Variants in HCRTR2 observed in about 807,000 individuals in gnomAD.
HCRTR2 encodes the protein hypocretin receptor 2, also known as orexin receptor type 2.
A neutral mutation model predicts 49.0 loss-of-function variants in HCRTR2; 22 were observed. That is an observed-to-expected ratio of 0.45 (90% CI 0.32 to 0.64). The LOEUF (loss-of-function observed/expected upper bound fraction) is 0.64, where lower values mean the gene tolerates loss of function less well. HCRTR2 is among the 30% of genes least tolerant of loss of function. The pLI, the probability that HCRTR2 is intolerant of heterozygous loss-of-function variation, is 0.04. For synonymous variants in HCRTR2, 236 were observed against 205.3 expected (o/e 1.15, Z -1.28); for missense variants, 491 against 559.4 (o/e 0.88, Z 1.23).
At chr6:55,151,080 G>A (rs1000648230) in intron 1 of HCRTR2, among the ~76,000 whole-genome samples, 1 of 152,050 alleles carries the variant, frequency 6.6e-6, no homozygotes, top group Non-Finnish European at 1.5e-5. Flanking sequence ...AATCTTTAGT[G>A]AATTATAATC....
In HCRTR2 at chr6:55,276,768, G is replaced by A. The variant is rs3800540; in HGVS notation, c.763-612G>A. Among the ~76,000 whole-genome samples the A allele has an allele frequency of 8.7e-4, 133 of 152,288 alleles. 1 individual carries two copies. In the East Asian group the frequency reaches 0.023, roughly 27 times the overall value. ...TCAATGGGTTTGTGTGCATTTTAAAGGGCTGGACCACAAAACTGATTTCAA... is the reference window on the plus strand; with the variant it reads ...TCAATGGGTTTGTGTGCATTTTAAAAGGCTGGACCACAAAACTGATTTCAA... On this transcript the variant is annotated intron_variant, in intron 4 of 6. Transcript: ENST00000370862.
At chr6:55,213,795 A>G (rs780109194) in intron 1 of HCRTR2, among the ~76,000 whole-genome samples, 3 of 152,186 alleles carry the variant, frequency 2.0e-5, no homozygotes, top group Non-Finnish European at 2.9e-5. Flanking sequence ...TGGGAAGTCC[A>G]CAATGTTGGG....
chr6:55,167,590 A>G (rs1260633583), intron 1 of HCRTR2, among the ~76,000 whole-genome samples: 2 of 152,194 alleles, frequency 1.3e-5, no homozygotes, highest in African/African-American at 4.8e-5. Context: ...AAGTATTTCA[A>G]TGAACTCAAA....
chr6:55,248,216 G>A (rs1313509263), intron 1 of HCRTR2, among the ~76,000 whole-genome samples: 2 of 152,080 alleles, frequency 1.3e-5, no homozygotes, highest in Admixed American at 1.3e-4. Context: ...CAGGGTTCAG[G>A]AGAAGATATG....
At chr6:55,172,890 ATAAT>A (rs1175002658), upstream of HCRTR2, among the ~76,000 whole-genome samples, 6 of 152,220 alleles carry the variant, frequency 3.9e-5, no homozygotes, top group Non-Finnish European at 8.8e-5. Flanking sequence ...TGTTGAAAAA[ATAAT>A]TACATATAAA....
intron 1 of HCRTR2, among the ~76,000 whole-genome samples, chr6:55,187,411 C>CAAAAAAAA (rs57619664): frequency 2.0e-5 from 2 of 98,424 alleles, no homozygotes; most frequent in African/African-American, 3.8e-5. Context: ...GACTCCGTCT[C>CAAAAAAAA]AAAAAAAAAA....
At chr6:55,244,841 G>A (rs906301787) in intron 1 of HCRTR2, among the ~76,000 whole-genome samples, 2 of 151,950 alleles carry the variant, frequency 1.3e-5, no homozygotes, top group Non-Finnish European at 2.9e-5. Context: ...ATTTGTATAT[G>A]GTGAGAGATA....
intron 1 of HCRTR2, among the ~76,000 whole-genome samples, chr6:55,159,291 CA>C (rs1764773473): frequency 6.6e-6 from 1 of 151,762 alleles, no homozygotes; most frequent in African/African-American, 2.4e-5. Context: ...AAAACAAAAA[CA>C]AAAACAAAAA....
intron 1 of HCRTR2, among the ~76,000 whole-genome samples, chr6:55,137,911 C>A (rs534890293): frequency 4.2e-4 from 64 of 152,182 alleles, no homozygotes; most frequent in Non-Finnish European, 5.9e-4. Flanking sequence ...CACACAGGAA[C>A]CACCATCTGA....
intron 1 of HCRTR2, among the ~76,000 whole-genome samples, chr6:55,192,404 C>T (rs1252297489): frequency 2.6e-4 from 27 of 105,436 alleles, no homozygotes; most frequent in African/African-American, 9.5e-4. Flanking sequence ...CACACACACG[C>T]GCGCGCGCGC....
intron 1 of HCRTR2, among the ~76,000 whole-genome samples, chr6:55,153,139 T>G: frequency 6.6e-6 from 1 of 152,142 alleles, no homozygotes; most frequent in African/African-American, 2.4e-5. Flanking sequence ...GCACTGCTTG[T>G]TACCCTCAGC....
chr6:55,156,177 T>A (rs1764728328), intron 1 of HCRTR2, among the ~76,000 whole-genome samples: 2 of 151,792 alleles, frequency 1.3e-5, no homozygotes, highest in African/African-American at 4.8e-5. Flanking sequence ...ATGAATGGAA[T>A]TGTTGTGGCT....
chr6:55,192,318 C>T (rs1441203391), intron 1 of HCRTR2, among the ~76,000 whole-genome samples: 1 of 152,022 alleles, frequency 6.6e-6, no homozygotes, highest in Non-Finnish European at 1.5e-5. Context: ...CTTTGGGAAG[C>T]TGAGGTGGAC....
intron 1 of HCRTR2, among the ~76,000 whole-genome samples, chr6:55,110,464 C>A (rs770649836): frequency 2.0e-5 from 3 of 152,072 alleles, no homozygotes; most frequent in Non-Finnish European, 4.4e-5. Flanking sequence ...AACCAAATAC[C>A]TGCAATCTTC....
chr6:55,280,341 C>A lies in HCRTR2; in HGVS notation c.1002C>A (p.Ala334=). 6.2e-7 allele frequency: 1 copy of A among 1,607,600 alleles called. No individual in the cohort carries two copies. Among genetic ancestry groups the A allele is most frequent in the Non-Finnish European group, 8.5e-7 (1 of 1,174,210 alleles). Reference sequence around the variant, plus strand: ...CCTGCAGAGTATTTGGGATGTTTGCCCATACTGAAGACAGAGAGACTGTGT... The same window carrying A: ...CCTGCAGAGTATTTGGGATGTTTGCACATACTGAAGACAGAGAGACTGTGT... ...NVLKRVFGMF[A]HTEDRETVYA... is the part of the protein sequence containing the mutation. Residue 334 remains alanine, a synonymous_variant, in exon 6 of 7, where the codon GCC becomes GCA. Coordinates refer to ENST00000370862, the MANE Select transcript of HCRTR2 (RefSeq NM_001384272.1).
At chr6:55,124,822 G>T (rs1447843314) in intron 1 of HCRTR2, among the ~76,000 whole-genome samples, 1 of 152,102 alleles carries the variant, frequency 6.6e-6, no homozygotes, top group African/African-American at 2.4e-5. Flanking sequence ...ATTTAGGATA[G>T]CTGTTCTTGT....
chr6:55,218,182 A>T (rs1646566533), intron 1 of HCRTR2, among the ~76,000 whole-genome samples: 1 of 152,162 alleles, frequency 6.6e-6, no homozygotes, highest in South Asian at 2.1e-4. Context: ...TAATCTATTC[A>T]TGAGGGCTCT....
intron 6 of HCRTR2, 46 bp downstream of exon 6, chr6:55,280,490 A>T (rs765623959): frequency 6.2e-7 from 1 of 1,607,982 alleles, no homozygotes; most frequent in South Asian, 1.1e-5. Context: ...GTAACCAAGG[A>T]TGAGGAATCA....
At chr6:55,164,954 A>C (rs1764856024) in intron 1 of HCRTR2, among the ~76,000 whole-genome samples, 1 of 152,168 alleles carries the variant, frequency 6.6e-6, no homozygotes, top group South Asian at 2.1e-4. Flanking sequence ...CTATCAGATA[A>C]ATTCAAAAAA....
Sources: gnomAD v4.1 joint callset for allele counts (sites outside exome capture counted in the v4.1 genomes callset) on GRCh38, gnomAD v4.1.1 for gene constraint, MANE v1.5 for transcripts, NCBI Gene and HGNC (gene_info 2026-07-23, HGNC 2026-07-21) for gene names.